DDX47: variants seen among roughly 807,000 people sequenced by gnomAD.
DDX47 encodes probable ATP-dependent RNA helicase DDX47.
A neutral mutation model predicts 58.8 loss-of-function variants in DDX47; 60 were observed. That is an observed-to-expected ratio of 1.02 (90% CI 0.83 to 1.26). DDX47 has a LOEUF of 1.26. Ranked by LOEUF, DDX47 falls within the 50% of genes most tolerant of loss-of-function variation. The probability of loss-of-function intolerance (pLI) is 0.00; values close to 1 mark genes in which losing one functional copy is unlikely to be tolerated. For missense variants in DDX47, 530 were observed against 573.2 expected, an observed-to-expected ratio of 0.92 and a Z score of 0.77; for synonymous variants, 197 against 204.6, an observed-to-expected ratio of 0.96 and a Z score of 0.32.
At chr12:12,822,591 A>ACTAC in intron 5 of DDX47, 70 bp from the exon 6 acceptor site, 1 of 1,297,558 alleles carries the variant, frequency 7.7e-7, no homozygotes. Context: ...TACCTCCTTC[A>ACTAC]CTACCTAGAG....
intron 3 of DDX47, 115 bp from the exon 4 acceptor site, chr12:12,821,540 T>G: frequency 2.1e-6 from 3 of 1,415,798 alleles, no homozygotes; most frequent in Non-Finnish European, 3.0e-6. Flanking sequence ...GGAAGAGTAT[T>G]AATTGTAAGG....
At position 12,824,553 on chromosome 12, in the gene DDX47, G is replaced by A. The variant is rs1410807443; in HGVS notation, c.911G>A (p.Gly304Glu). ...TCATTACCTCAGAGTAAGCGCCTAG[G>A]ATCCCTTAATAAGTTTAAGGCCAAG... ...HGQMSQSKRL[G>E]SLNKFKAKAR... is the part of the protein sequence containing the mutation. Residue 304 changes from glycine (G) to glutamate (E), a missense_variant, in exon 9 of 12, where the codon GGA becomes GAA. Transcript: ENST00000358007. 3 of 1,611,516 alleles carry A rather than the reference G, an allele frequency of 1.9e-6. No homozygotes were observed. In the Admixed American group the frequency reaches 5.1e-5, roughly 27 times the overall value.
chr12:12,820,270 G>T (rs1397322361), intron 2 of DDX47: 1 of 152,252 alleles, frequency 6.6e-6, no homozygotes, highest in Non-Finnish European at 1.5e-5. Context: ...CTCAGAAGGA[G>T]CAGTAACTGG....
rs560886374 is a variant in DDX47 at position 12,821,281 on chromosome 12, A to G, written c.255A>G (p.Ala85=). The G allele has an allele frequency of 7.4e-6, 12 of 1,614,120 alleles. No homozygotes were observed. The South Asian group carries it at 1.2e-4, about 16-fold the overall frequency. The change falls in exon 3 of 12, where the codon GCA becomes GCG. Residue 85 remains alanine (A), a synonymous_variant. Transcript: ENST00000358007. ...CCTTTGCTTTGCCCATTCTAAACGC[A>G]CTGCTGGAGACCCCGCAGCGTTTGT... is the stretch of plus-strand genomic sequence containing the variant. ...TGAFALPILN[A]LLETPQRLFA...
At chr12:12,825,075 C>T (rs1016827919) in intron 9 of DDX47, 31 of 155,204 alleles carry the variant, frequency 2.0e-4, no homozygotes, top group African/African-American at 6.7e-4. Context: ...CCTGGGTTCA[C>T]GCCATTCTCC....
intron 9 of DDX47, among the ~76,000 whole-genome samples, chr12:12,825,514 CTCTTG>C (rs2136425178): frequency 6.6e-6 from 1 of 152,260 alleles, no homozygotes; most frequent in South Asian, 2.1e-4. Context: ...ACTGTTGTGT[CTCTTG>C]TCTTTGTATT....
rs921546217 is a variant in DDX47, at chr12:12,814,041, G to A, written c.88-90G>A. On this transcript the variant is annotated intron_variant, in intron 1 of 11. Transcript: ENST00000358007. ...AATACCTTTTAAATCAAATACAATGGTTGTACATGATGGGTCTGACAGTCA... is the reference window on the plus strand; with the variant it reads ...AATACCTTTTAAATCAAATACAATGATTGTACATGATGGGTCTGACAGTCA... The A allele has an allele frequency of 5.9e-5, 49 of 823,608 alleles. No homozygotes were observed. The Admixed American group carries it at 8.3e-4, about 14-fold the overall frequency. 51.0% of individuals were successfully genotyped at this position (823,608 alleles called of 1,614,324 possible).
At position 12,814,130 on chromosome 12, in the gene DDX47, G is replaced by C. The variant is rs765106937; in HGVS notation, c.88-1G>C. ...TAAGGTATATTTTTCTGAATTCCAA[G>C]GGTGTGACAGATGTGTTGTGTGAAG... On this transcript the variant is annotated splice_acceptor_variant, in intron 1 of 11. Coordinates refer to ENST00000358007, the MANE Select transcript of DDX47 (RefSeq NM_016355.4). LOFTEE classifies it high-confidence loss of function. The C allele has an allele frequency of 1.9e-6, 3 of 1,610,564 alleles. No homozygotes were observed.
In DDX47 at chr12:12,823,795, C is replaced by T. The variant is rs778100776; in HGVS notation, c.751-75C>T. 5.6e-4 allele frequency: 812 copies of T among 1,441,206 alleles called. 2 individuals carry two copies. The highest frequency in any genetic ancestry group is 7.1e-4 in the Non-Finnish European group (741 of 1,049,684). The allele number at this position is 1,441,206 out of a possible 1,614,324, so 89.3% of individuals were successfully genotyped here. On this transcript the variant is annotated intron_variant, in intron 7 of 11. Coordinates refer to ENST00000358007, the MANE Select transcript of DDX47 (RefSeq NM_016355.4). ...AAAGCGACTATAGGCTTAGTCTTTA[C>T]CTTATGTATATGCCAGGTCTCCAAT...
At chr12:12,819,048 A>T (rs1862935138) in intron 2 of DDX47, among the ~76,000 whole-genome samples, 2 of 152,174 alleles carry the variant, frequency 1.3e-5, no homozygotes, top group Admixed American at 6.5e-5. Context: ...TAACTGATTA[A>T]TGTTTAAGAG....
At chr12:12,818,731 G>A (rs1458100776) in intron 2 of DDX47, among the ~76,000 whole-genome samples, 1 of 152,140 alleles carries the variant, frequency 6.6e-6, no homozygotes, top group Non-Finnish European at 1.5e-5. Flanking sequence ...TTACAGTTCT[G>A]TGTGTGGCTG....
intron 10 of DDX47, 131 bp downstream of exon 10, chr12:12,826,201 G>A: frequency 3.1e-6 from 2 of 638,592 alleles, no homozygotes; most frequent in Non-Finnish European, 2.6e-6. Flanking sequence ...TGAAGGAGTT[G>A]AAAGATGGGA....
chr12:12,829,506 C>T lies in DDX47; in HGVS notation c.1320C>T (p.Val440=), dbSNP rs564132993. 2 of 1,613,634 alleles carry T rather than the reference C, an allele frequency of 1.2e-6. No individual in the cohort carries two copies. The highest frequency in any genetic ancestry group is 1.7e-5 in the Admixed American group (1 of 59,966). The change falls in exon 12 of 12, where the codon GTC becomes GTT. Residue 440 remains valine, a synonymous_variant. Transcript: ENST00000358007. ...ATGACACAGAGGGTGCTATTGGTGTCAGGAACAAGGTGGCTGGAGGAAAAA... is the reference window on the plus strand; with the variant it reads ...ATGACACAGAGGGTGCTATTGGTGTTAGGAACAAGGTGGCTGGAGGAAAAA... The part of the protein sequence containing the change: ...DNDDTEGAIG[V]RNKVAGGKMK...
intron 6 of DDX47, 148 bp from the exon 7 acceptor site, chr12:12,823,055 T>C (rs1378212323): frequency 1.5e-6 from 1 of 664,602 alleles, no homozygotes; most frequent in Admixed American, 2.5e-5. Context: ...ACCACCTCTG[T>C]GATCCAATAA....
At chr12:12,818,825 G>A (rs188253103) in intron 2 of DDX47, among the ~76,000 whole-genome samples, 1 of 152,296 alleles carries the variant, frequency 6.6e-6, no homozygotes, top group Admixed American at 6.5e-5. Context: ...TGCAAAAGCA[G>A]AAACCCCTGA....
At position 12,829,573 on chromosome 12, in the gene DDX47, G is replaced by C; in HGVS notation, c.*19G>C. 1 of 1,610,688 alleles carries C rather than the reference G, an allele frequency of 6.2e-7. No homozygotes were observed. The highest frequency in any genetic ancestry group is 8.5e-7 in the Non-Finnish European group (1 of 1,178,810). On this transcript the variant is annotated 3_prime_UTR_variant, in exon 12 of 12. Coordinates refer to ENST00000358007, the MANE Select transcript of DDX47 (RefSeq NM_016355.4). ...CCGTTAATCACTTTTATGAAGGCTC[G>C]AGTTCTGCTGTTCTGTAAAAGAGAA...
intron 3 of DDX47, 60 bp from the exon 4 acceptor site, chr12:12,821,595 G>A (rs1361080439): frequency 1.3e-6 from 2 of 1,536,402 alleles, no homozygotes; most frequent in Non-Finnish European, 1.8e-6. Context: ...TTTAAAAGAT[G>A]TTCAGTGGAC....
chr12:12,814,553 C>T (rs1862867847), intron 2 of DDX47: 1 of 214,256 alleles, frequency 4.7e-6, no homozygotes, highest in Non-Finnish European at 9.4e-6. Flanking sequence ...ATATGTGTGT[C>T]TTGAGGAGTT....
intron 10 of DDX47, among the ~76,000 whole-genome samples, chr12:12,826,598 C>G (rs185984672): frequency 6.6e-6 from 1 of 152,058 alleles, no homozygotes; most frequent in East Asian, 1.9e-4. Context: ...CAGGTGCATG[C>G]CAGCACACCT....
Sources: allele counts gnomAD v4.1 joint callset (sites outside exome capture counted in the v4.1 genomes callset), GRCh38; gene constraint gnomAD v4.1.1; transcripts MANE v1.5; gene names NCBI Gene and HGNC (gene_info 2026-07-23, HGNC 2026-07-21).